SEMA6D: variants seen among roughly 807,000 people sequenced by gnomAD.
SEMA6D encodes the protein semaphorin 6D.
Under a neutral mutation model 106.6 loss-of-function variants are expected in SEMA6D, and 35 were observed. The ratio of observed to expected loss-of-function variants is 0.33; its 90% CI spans 0.25 to 0.44. The LOEUF is 0.44. SEMA6D is among the 20% of genes least tolerant of loss of function. The probability of loss-of-function intolerance (pLI) is 1.00; values close to 1 mark genes in which losing one functional copy is unlikely to be tolerated. For missense variants in SEMA6D, 1,185 were observed against 1,345.9 expected (o/e 0.88, Z 1.87); for synonymous variants, 499 against 487.7 (o/e 1.02, Z -0.31).
At chr15:47,554,677 A>G (rs555711843) in intron 3 of SEMA6D, among the ~76,000 whole-genome samples, 4 of 152,324 alleles carry the variant, frequency 2.6e-5, no homozygotes, top group Non-Finnish European at 5.9e-5. Flanking sequence ...GATAATGAAC[A>G]ATGATGTTAC....
At chr15:47,255,521 A>G (rs541796426) in intron 1 of SEMA6D, among the ~76,000 whole-genome samples, 5 of 152,150 alleles carry the variant, frequency 3.3e-5, no homozygotes, top group Non-Finnish European at 5.9e-5. Flanking sequence ...GAGACGTAAC[A>G]TTAGGTTATT....
intron 3 of SEMA6D, among the ~76,000 whole-genome samples, chr15:47,585,715 T>A (rs1384906556): frequency 6.6e-6 from 1 of 152,196 alleles, no homozygotes; most frequent in Non-Finnish European, 1.5e-5. Context: ...TAACAAAAAT[T>A]GATCCATCAT....
intron 3 of SEMA6D, among the ~76,000 whole-genome samples, chr15:47,515,458 T>C (rs2044359184): frequency 6.6e-6 from 1 of 152,198 alleles, no homozygotes; most frequent in Admixed American, 6.5e-5. Flanking sequence ...AAATCACCTT[T>C]GACACATAGT....
chr15:47,214,807 T>A (rs557735534), intron 1 of SEMA6D, among the ~76,000 whole-genome samples: 16 of 152,338 alleles, frequency 1.1e-4, no homozygotes, highest in Non-Finnish European at 2.2e-4. Context: ...TACCTGTACT[T>A]ACCAGTTTTC....
chr15:47,218,832 A>G (rs1409294104), intron 1 of SEMA6D, among the ~76,000 whole-genome samples: 1 of 152,208 alleles, frequency 6.6e-6, no homozygotes, highest in South Asian at 2.1e-4. Context: ...ATCTTGGAGA[A>G]CAGGTAATAG....
intron 1 of SEMA6D, among the ~76,000 whole-genome samples, chr15:47,254,301 GTATATA>G (rs1207435534): frequency 8.8e-6 from 1 of 113,256 alleles, no homozygotes; most frequent in African/African-American, 3.0e-5. Context: ...ATATAGATGT[GTATATA>G]TATGTATATA....
chr15:47,607,230 C>G (rs1382895762), intron 4 of SEMA6D, among the ~76,000 whole-genome samples: 2 of 152,140 alleles, frequency 1.3e-5, no homozygotes, highest in Non-Finnish European at 2.9e-5. Context: ...CAGTCAGTCA[C>G]CACATACTCT....
At chr15:47,759,602 G>T in intron 1 of SEMA6D, 143 bp from the exon 2 acceptor site, 1 of 587,612 alleles carries the variant, frequency 1.7e-6, no homozygotes, top group Non-Finnish European at 3.0e-6. Flanking sequence ...TGTGTTTTTG[G>T]CGATACCTGA....
intron 4 of SEMA6D, among the ~76,000 whole-genome samples, chr15:47,654,392 A>T (rs1244608908): frequency 6.6e-6 from 1 of 152,252 alleles, no homozygotes; most frequent in Non-Finnish European, 1.5e-5. Flanking sequence ...TTTGTATGTT[A>T]TCTGTATTCT....
chr15:47,638,842 G>T (rs2077438355), intron 4 of SEMA6D, among the ~76,000 whole-genome samples: 1 of 152,234 alleles, frequency 6.6e-6, no homozygotes, highest in African/African-American at 2.4e-5. Flanking sequence ...CCAGCAGATG[G>T]ATCAGGTTGG....
intron 1 of SEMA6D, among the ~76,000 whole-genome samples, chr15:47,294,649 G>A (rs1289976501): frequency 6.6e-6 from 1 of 152,170 alleles, no homozygotes; most frequent in Admixed American, 6.5e-5. Flanking sequence ...AAATGATTCT[G>A]TCTTGCACAG....
At chr15:47,279,921 C>T (rs1192099865) in intron 1 of SEMA6D, among the ~76,000 whole-genome samples, 14 of 150,616 alleles carry the variant, frequency 9.3e-5, no homozygotes, top group Admixed American at 4.0e-4. Context: ...CTACTGGATT[C>T]GGTTTGCCAG....
chr15:47,599,976 T>C (rs2076614769), intron 3 of SEMA6D, among the ~76,000 whole-genome samples: 1 of 152,120 alleles, frequency 6.6e-6, no homozygotes, highest in African/African-American at 2.4e-5. Context: ...CCTAGGGAAT[T>C]TGTAGCATTT....
At chr15:47,209,811 T>C (rs1016996946) in intron 1 of SEMA6D, among the ~76,000 whole-genome samples, 7 of 152,156 alleles carry the variant, frequency 4.6e-5, no homozygotes, top group African/African-American at 1.7e-4. Context: ...CCTAACTTAG[T>C]CTTTATGTAT....
chr15:47,214,378 CAAAG>C (rs1431060736), intron 1 of SEMA6D, among the ~76,000 whole-genome samples: 1 of 151,960 alleles, frequency 6.6e-6, no homozygotes, highest in Non-Finnish European at 1.5e-5. Flanking sequence ...GCTTCACAAG[CAAAG>C]AGAGATTTAA....
intron 1 of SEMA6D, among the ~76,000 whole-genome samples, chr15:47,237,890 C>T (rs2141695950): frequency 6.6e-6 from 1 of 152,120 alleles, no homozygotes; most frequent in African/African-American, 2.4e-5. Context: ...TTAAGCACAA[C>T]AAAACTGTAC....
intron 1 of SEMA6D, among the ~76,000 whole-genome samples, chr15:47,220,400 T>G (rs867254105): frequency 6.6e-6 from 1 of 152,162 alleles, no homozygotes; most frequent in Non-Finnish European, 1.5e-5. Flanking sequence ...TTAAAAGATA[T>G]ATTTTGAAAG....
At chr15:47,538,154 C>G (rs1490493115) in intron 3 of SEMA6D, among the ~76,000 whole-genome samples, 2 of 152,084 alleles carry the variant, frequency 1.3e-5, no homozygotes, top group Non-Finnish European at 2.9e-5. Context: ...GATATTTTCT[C>G]AAAAACTATA....
intron 1 of SEMA6D, among the ~76,000 whole-genome samples, chr15:47,257,770 A>G (rs2033884052): frequency 6.6e-6 from 1 of 150,974 alleles, no homozygotes; most frequent in Non-Finnish European, 1.5e-5. Flanking sequence ...TTGGAAGTGG[A>G]TTGTTCTATA....
Sources: allele counts gnomAD v4.1 joint callset (sites outside exome capture counted in the v4.1 genomes callset), GRCh38; gene constraint gnomAD v4.1.1; transcripts MANE v1.5; gene names NCBI Gene and HGNC (gene_info 2026-07-23, HGNC 2026-07-21).